The following NBDY variants were observed in gnomAD, a reference collection of about 807,000 sequenced individuals.
The protein encoded by NBDY is P-body dissociating protein.
intron 2 of NBDY, among the ~76,000 whole-genome samples, chrX:56,766,796 C>G (rs4134163): frequency 0.54 from 60,215 of 111,295 alleles, 14,234 homozygotes; most frequent in Non-Finnish European, 0.74. Flanking sequence ...CAAGCCTTGT[C>G]CCTGTGTGAT....
At chrX:56,735,317 G>A (rs779747100) in intron 2 of NBDY, among the ~76,000 whole-genome samples, 10 of 112,404 alleles carry the variant, frequency 8.9e-5, no homozygotes, top group East Asian at 2.8e-4. Context: ...ACTTGGTCTC[G>A]TTTGGAAGAA....
At chrX:56,758,121 G>A (rs2069620520) in intron 2 of NBDY, among the ~76,000 whole-genome samples, 1 of 110,632 alleles carries the variant, frequency 9.0e-6, no homozygotes, top group Non-Finnish European at 1.9e-5. Flanking sequence ...ATTGCTTGAG[G>A]CCAGGAATTT....
At chrX:56,781,674 G>A (rs747872288) in intron 2 of NBDY, among the ~76,000 whole-genome samples, 39 of 111,479 alleles carry the variant, frequency 3.5e-4, no homozygotes, top group Non-Finnish European at 4.0e-4. Context: ...GTTTATGGAG[G>A]TCACAATCAG....
chrX:56,764,717 A>AG (rs1324641484), intron 2 of NBDY, among the ~76,000 whole-genome samples: 1 of 107,706 alleles, frequency 9.3e-6, no homozygotes, highest in African/African-American at 3.4e-5. Flanking sequence ...AAAAAAAAAA[A>AG]AAAAAGAAAC....
chrX:56,792,433 C>A (rs2069769683), intron 2 of NBDY, among the ~76,000 whole-genome samples: 1 of 111,020 alleles, frequency 9.0e-6, no homozygotes, highest in Admixed American at 9.6e-5. Context: ...GCCACGTGTT[C>A]ATTTGCCTAC....
At chrX:56,793,849 C>G (rs2069776652) in intron 2 of NBDY, among the ~76,000 whole-genome samples, 1 of 111,423 alleles carries the variant, frequency 9.0e-6, no homozygotes, top group South Asian at 3.8e-4. Flanking sequence ...CCCTGGCAGT[C>G]TCCAGGAACT....
intron 2 of NBDY, among the ~76,000 whole-genome samples, chrX:56,787,318 A>G (rs2069734876): frequency 1.8e-5 from 2 of 110,779 alleles, no homozygotes; most frequent in African/African-American, 6.6e-5. Flanking sequence ...ACGCACACAC[A>G]CACACAAACA....
chrX:56,738,399 C>G (rs775980804), intron 2 of NBDY, among the ~76,000 whole-genome samples: 1 of 111,861 alleles, frequency 8.9e-6, no homozygotes, highest in African/African-American at 3.3e-5. Context: ...TGGACACCAG[C>G]TGGGTGTTCT....
At chrX:56,785,273 C>A (rs779917076) in intron 2 of NBDY, among the ~76,000 whole-genome samples, 1 of 111,180 alleles carries the variant, frequency 9.0e-6, no homozygotes, top group East Asian at 2.9e-4. Flanking sequence ...TTCCTAGGGA[C>A]AAAGGGAGAA....
intron 2 of NBDY, among the ~76,000 whole-genome samples, chrX:56,781,750 G>A (rs1167783890): frequency 8.9e-6 from 1 of 112,232 alleles, no homozygotes; most frequent in Non-Finnish European, 1.9e-5. Flanking sequence ...TGTTTCTAAG[G>A]AAATTAGAAG....
intron 2 of NBDY, among the ~76,000 whole-genome samples, chrX:56,805,110 C>G (rs1256071443): frequency 1.8e-5 from 2 of 111,834 alleles, no homozygotes; most frequent in East Asian, 2.8e-4. Flanking sequence ...TCAGGGCATT[C>G]CAGGAAGAAG....
chrX:56,788,572 A>C (rs2069743534), intron 2 of NBDY, among the ~76,000 whole-genome samples: 1 of 111,290 alleles, frequency 9.0e-6, no homozygotes, highest in Non-Finnish European at 1.9e-5. Context: ...GTTTCCAGGA[A>C]CTGCCGGGCA....
intron 2 of NBDY, among the ~76,000 whole-genome samples, chrX:56,802,588 G>A (rs930582081): frequency 1.8e-5 from 2 of 112,770 alleles, no homozygotes; most frequent in Admixed American, 1.9e-4. Context: ...GCCCAAGGTG[G>A]TAAACTCTAT....
At chrX:56,745,490 A>G (rs887808437) in intron 2 of NBDY, among the ~76,000 whole-genome samples, 3 of 110,715 alleles carry the variant, frequency 2.7e-5, no homozygotes, top group Non-Finnish European at 3.8e-5. Context: ...TGACACTTCA[A>G]CCCTAAACAC....
chrX:56,746,076 G>T (rs896342302), intron 2 of NBDY, among the ~76,000 whole-genome samples: 2 of 111,869 alleles, frequency 1.8e-5, no homozygotes, highest in African/African-American at 6.5e-5. Context: ...TGCTCAGCAT[G>T]AAGAGGAGTT....
At chrX:56,805,665 G>A (rs768779333) in intron 2 of NBDY, among the ~76,000 whole-genome samples, 340 of 111,873 alleles carry the variant, frequency 3.0e-3, no homozygotes, top group Middle Eastern at 9.5e-3. Flanking sequence ...GGGACTAAGG[G>A]GCTGACTCTC....
chrX:56,745,784 G>A (rs1021961881), intron 2 of NBDY, among the ~76,000 whole-genome samples: 2 of 109,508 alleles, frequency 1.8e-5, no homozygotes, highest in Admixed American at 9.8e-5. Flanking sequence ...ATGAGTCCAG[G>A]TAGTTTTCCT....
chrX:56,786,292 G>T lies in NBDY; in HGVS notation c.*167-31028G>T, dbSNP rs779687924. Among the ~76,000 whole-genome samples, 3 of 110,968 alleles carry T rather than the reference G, an allele frequency of 2.7e-5. No individual in the cohort carries two copies. The South Asian group carries it at 1.2e-3, about 44-fold the overall frequency. Reference sequence around the variant, plus strand: ...GGATCAAAGTTTTGATCCCACTCAGGAGAGATCCCATTGACAAGAAGCTTC... The same window carrying T: ...GGATCAAAGTTTTGATCCCACTCAGTAGAGATCCCATTGACAAGAAGCTTC... On this transcript the variant is annotated intron_variant, in intron 2 of 2. Transcript: ENST00000374922.
intron 2 of NBDY, among the ~76,000 whole-genome samples, chrX:56,797,990 C>T (rs1342009372): frequency 8.9e-6 from 1 of 112,002 alleles, no homozygotes; most frequent in African/African-American, 3.2e-5. Context: ...GGTAACCTCA[C>T]ATGGGCACAG....
Sources: allele counts gnomAD v4.1 joint callset (sites outside exome capture counted in the v4.1 genomes callset), GRCh38; gene constraint gnomAD v4.1.1; transcripts MANE v1.5; gene names NCBI Gene and HGNC (gene_info 2026-07-23, HGNC 2026-07-21).